The following C19orf44 variants were observed in gnomAD, a reference collection of about 807,000 sequenced individuals.
C19orf44 encodes the protein chromosome 19 open reading frame 44.
Under a neutral mutation model 50.7 loss-of-function variants are expected in C19orf44, and 43 were observed. The observed-to-expected ratio is 0.85, with a 90% CI of 0.66 to 1.09. The LOEUF is 1.09. Ranked by LOEUF, C19orf44 falls within the 50% of genes least tolerant of loss-of-function variation. C19orf44 has a pLI of 0.00. For missense variants in C19orf44, 722 were observed against 836.2 expected, an observed-to-expected ratio of 0.86 and a Z score of 1.68; for synonymous variants, 298 against 334.7, an observed-to-expected ratio of 0.89 and a Z score of 1.20.
In C19orf44 at chr19:16,520,455, G is replaced by A. The variant is rs759325137; in HGVS notation, c.*402G>A. The A allele has an allele frequency of 4.3e-6, 7 of 1,613,980 alleles. No homozygotes were observed. Among genetic ancestry groups the A allele is most frequent in the African/African-American group, 2.7e-5 (2 of 74,918 alleles). The stretch of plus-strand genomic sequence containing the variant: ...GACTTGGAGGATCTTGAGTTGGAGC[G>A]GGAGGAAGAACGCCCTCGACTCTTG... On this transcript the variant is annotated 3_prime_UTR_variant, in exon 9 of 9. Transcript: ENST00000221671. This position sits in a 1 kb window ranked among gnomAD's most constrained non-coding sequence, Gnocchi z 4.0.
chr19:16,514,292 C>G (rs2093465481), intron 6 of C19orf44, among the ~76,000 whole-genome samples: 2 of 151,788 alleles, frequency 1.3e-5, no homozygotes, highest in Admixed American at 6.6e-5. Flanking sequence ...AGGTGTGAGC[C>G]ACTGTTGCTT....
intron 6 of C19orf44, among the ~76,000 whole-genome samples, chr19:16,513,641 C>G (rs1405097787): frequency 6.6e-6 from 1 of 152,204 alleles, no homozygotes; most frequent in Non-Finnish European, 1.5e-5. Context: ...ACCTCGGTCT[C>G]CCAAAGTTCT....
rs560345842 is a variant in C19orf44 at position 16,520,799 on chromosome 19, G to C, written c.*746G>C. On this transcript the variant is annotated 3_prime_UTR_variant, in exon 9 of 9. Transcript: ENST00000221671. This position sits in a 1 kb window ranked among gnomAD's most constrained non-coding sequence, Gnocchi z 4.0. The stretch of plus-strand genomic sequence containing the variant: ...CACAAGCTGTGGACCCTGGCCCCCC[G>C]GCCACTGCAGACATCTGCGCTTTTA... The C allele has an allele frequency of 1.2e-6, 2 of 1,607,270 alleles. No individual in the cohort carries two copies. Among genetic ancestry groups the C allele is most frequent in the African/African-American group, 1.3e-5 (1 of 74,918 alleles).
At position 16,520,017 on chromosome 19, in the gene C19orf44, G is replaced by A. The variant is rs905745968; in HGVS notation, c.*41-77G>A. 1 of 939,478 alleles carries A rather than the reference G, an allele frequency of 1.1e-6. No individual in the cohort carries two copies. Among genetic ancestry groups the A allele is most frequent in the Non-Finnish European group, 1.6e-6 (1 of 606,676 alleles). 58.2% of individuals were successfully genotyped at this position (939,478 alleles called of 1,614,324 possible). A position where few individuals can be genotyped will look rare whatever the true frequency, so the allele number is the denominator to read the frequency against. On this transcript the variant is annotated intron_variant, in intron 8 of 8. Transcript: ENST00000221671. The surrounding 1 kb of genome is among the most constrained non-coding windows in gnomAD (Gnocchi z 4.0). Reference sequence around the variant, plus strand: ...AGTGGCTACTGTGGTGAAGGGTGAGGGGTGCCACTGTCCCCGGGCTAATGC... The same window carrying A: ...AGTGGCTACTGTGGTGAAGGGTGAGAGGTGCCACTGTCCCCGGGCTAATGC...
intron 1 of C19orf44, among the ~76,000 whole-genome samples, chr19:16,497,132 G>A (rs558304259): frequency 6.6e-6 from 1 of 152,122 alleles, no homozygotes; most frequent in East Asian, 1.9e-4. Context: ...ATTTTTAGTA[G>A]AGATGGGGTT....
chr19:16,501,041 C>T lies in C19orf44; in HGVS notation c.249C>T (p.Thr83=), dbSNP rs755024152. The change falls in exon 2 of 9, where the codon ACC becomes ACT. Residue 83 remains threonine, a synonymous_variant. Coordinates refer to ENST00000221671, the MANE Select transcript of C19orf44 (RefSeq NM_032207.4). ...GPRLASCRPP[T]TASRIRANAA... ...GGCTTGCCTCATGTAGACCGCCCAC[C>T]ACTGCCTCCAGGATCCGAGCCAATG... is the stretch of plus-strand genomic sequence containing the variant. 3 of 1,614,090 alleles carry T rather than the reference C, an allele frequency of 1.9e-6. No individual in the cohort carries two copies. Among genetic ancestry groups the T allele is most frequent in the Non-Finnish European group, 2.5e-6 (3 of 1,180,018 alleles).
chr19:16,498,504 G>A (rs960696813), intron 1 of C19orf44, among the ~76,000 whole-genome samples: 17 of 151,752 alleles, frequency 1.1e-4, no homozygotes, highest in Admixed American at 3.9e-4. Flanking sequence ...GGCTGGTCTC[G>A]AACTCATGGG....
chr19:16,520,620 G>C lies in C19orf44; in HGVS notation c.*567G>C. ...ATGCAGGGGCTCTGGCTGTGGATGT[G>C]GCGCCATAGCCACAGCAACGGTACC... On this transcript the variant is annotated 3_prime_UTR_variant, in exon 9 of 9. Coordinates refer to ENST00000221671, the MANE Select transcript of C19orf44 (RefSeq NM_032207.4). This position sits in a 1 kb window ranked among gnomAD's most constrained non-coding sequence, Gnocchi z 4.0. The C allele has an allele frequency of 7.6e-7, 1 of 1,310,962 alleles. No homozygotes were observed. The allele number at this position is 1,310,962 out of a possible 1,614,324, so 81.2% of individuals were successfully genotyped here.
At position 16,517,264 on chromosome 19, in the gene C19orf44, T is replaced by A; in HGVS notation, c.1937T>A (p.Met646Lys). ...IRCHRPAPLT[M>K]EDALEEVNKE... is the part of the protein sequence containing the mutation. ...TGCCACAGACCTGCCCCACTGACCA[T>A]GGAGGATGCCCTGGAGGAGGTGAAC... Residue 646 changes from methionine (M) to lysine (K), a missense_variant, in exon 8 of 9, where the codon ATG becomes AAG. By Grantham distance (95) the Met-to-Lys change is moderately conservative. Transcript: ENST00000221671. 1 of 1,614,088 alleles carries A rather than the reference T, an allele frequency of 6.2e-7. No individual in the cohort carries two copies.
chr19:16,517,630 C>G (rs2085555371), intron 8 of C19orf44, among the ~76,000 whole-genome samples: 1 of 152,088 alleles, frequency 6.6e-6, no homozygotes, highest in Non-Finnish European at 1.5e-5. Flanking sequence ...GCTGTCCCCA[C>G]TCACAGCAGG....
chr19:16,505,773 C>G (rs1042177449), intron 3 of C19orf44, among the ~76,000 whole-genome samples: 2 of 151,776 alleles, frequency 1.3e-5, no homozygotes, highest in Admixed American at 6.6e-5. Flanking sequence ...ACCTCCAACT[C>G]CGGGTTCAAG....
At chr19:16,508,253 C>T (rs561614417) in intron 4 of C19orf44, among the ~76,000 whole-genome samples, 5 of 152,022 alleles carry the variant, frequency 3.3e-5, no homozygotes, top group East Asian at 3.9e-4. Context: ...TACAGGCACC[C>T]GCCACCCTAC....
At chr19:16,498,239 G>C (rs1341767109) in intron 1 of C19orf44, among the ~76,000 whole-genome samples, 1 of 152,130 alleles carries the variant, frequency 6.6e-6, no homozygotes. Flanking sequence ...CCACATTGAG[G>C]ACTACATAAT....
chr19:16,496,469 G>A lies in C19orf44; in HGVS notation c.-2+4G>A. ...CGAATGGACGGCGTGGGAAGAGGTC[G>A]GCAGGGCTGGTGGGGAGGTGACCTA... is the stretch of plus-strand genomic sequence containing the variant. On this transcript the variant is annotated splice_donor_region_variant and intron_variant, in intron 1 of 8. Coordinates refer to ENST00000221671, the MANE Select transcript of C19orf44 (RefSeq NM_032207.4). 2.9e-6 allele frequency: 1 copy of A among 342,950 alleles called. No individual in the cohort carries two copies. The highest frequency in any genetic ancestry group is 5.6e-6 in the Non-Finnish European group (1 of 178,326). 21.2% of individuals were successfully genotyped at this position (342,950 alleles called of 1,614,324 possible).
chr19:16,500,933 T>A lies in C19orf44; in HGVS notation c.141T>A (p.His47Gln). The A allele has an allele frequency of 1.2e-6, 2 of 1,613,870 alleles. No individual in the cohort carries two copies. The highest frequency in any genetic ancestry group is 1.7e-6 in the Non-Finnish European group (2 of 1,179,976). The change falls in exon 2 of 9, where the codon CAT (histidine) becomes CAA (glutamine). Residue 47 changes from histidine to glutamine, a missense_variant. By Grantham distance (24) the His-to-Gln change is conservative. Transcript: ENST00000221671. ...SRNLTKIAPG[H>Q]SRFLKRNQTL... ...ATCTTACCAAAATAGCACCTGGTCA[T>A]AGCAGATTTCTAAAAAGAAACCAAA... is the stretch of plus-strand genomic sequence containing the variant.
rs1041442685 is a variant in C19orf44 at position 16,520,850 on chromosome 19, C to T, written c.*797C>T. 2.9e-5 allele frequency: 47 copies of T among 1,613,934 alleles called. No individual in the cohort carries two copies. Among genetic ancestry groups the T allele is most frequent in the Non-Finnish European group, 3.9e-5 (46 of 1,180,048 alleles). ...CCTGTTCCTCTTCTCCTGGCCTTTC[C>T]TCCGCCGGGCCCGCATTTTTGCTCG... is the stretch of plus-strand genomic sequence containing the variant. On this transcript the variant is annotated 3_prime_UTR_variant, in exon 9 of 9. Transcript: ENST00000221671. This position sits in a 1 kb window ranked among gnomAD's most constrained non-coding sequence, Gnocchi z 4.0.
chr19:16,507,568 T>C (rs550497492), intron 4 of C19orf44, among the ~76,000 whole-genome samples: 167 of 150,884 alleles, frequency 1.1e-3, no homozygotes, highest in African/African-American at 3.8e-3. Flanking sequence ...CTCGGCTCAC[T>C]GCAACCTCCA....
chr19:16,505,864 T>C (rs1249491048), intron 3 of C19orf44, among the ~76,000 whole-genome samples: 1 of 151,286 alleles, frequency 6.6e-6, no homozygotes, highest in Non-Finnish European at 1.5e-5. Context: ...GTATTTTTAA[T>C]AGAGATCGGG....
chr19:16,498,028 C>T (rs1203291067), intron 1 of C19orf44, among the ~76,000 whole-genome samples: 2 of 152,010 alleles, frequency 1.3e-5, no homozygotes, highest in Non-Finnish European at 2.9e-5. Flanking sequence ...GATCGCGTGA[C>T]CCCGGGAGGT....
Sources: gnomAD v4.1 joint callset for allele counts (sites outside exome capture counted in the v4.1 genomes callset) on GRCh38, gnomAD v4.1.1 for gene constraint, Gnocchi (gnomAD v3.1) non-coding constraint, MANE v1.5 for transcripts, NCBI Gene and HGNC (gene_info 2026-07-23, HGNC 2026-07-21) for gene names.